Variants in HORMAD2 observed in about 807,000 individuals in gnomAD.
HORMAD2 encodes the protein HORMA domain containing 2, also known as HORMA domain-containing protein 2.
A neutral mutation model predicts 38.8 loss-of-function variants in HORMAD2; 45 were observed. That is an observed-to-expected ratio of 1.16 (90% CI 0.91 to 1.49). HORMAD2 has a LOEUF of 1.49. Among genes scored for constraint, HORMAD2 ranks in the 40% most tolerant of loss-of-function variants. The pLI is 0.00. For missense variants in HORMAD2, 338 were observed against 367.0 expected, an observed-to-expected ratio of 0.92 and a Z score of 0.65; for synonymous variants, 126 against 122.8, an observed-to-expected ratio of 1.03 and a Z score of -0.17.
the HORMAD2 span, among the ~76,000 whole-genome samples, chr22:30,205,276 G>A: frequency 6.6e-6 from 1 of 152,078 alleles, no homozygotes; most frequent in East Asian, 1.9e-4. Flanking sequence ...GGCACCGGGT[G>A]AGAATTTGAA....
intron 1 of HORMAD2, among the ~76,000 whole-genome samples, chr22:30,082,564 C>T (rs555617137): frequency 1.7e-4 from 26 of 151,954 alleles, no homozygotes; most frequent in Middle Eastern, 3.4e-3. Flanking sequence ...GCCAAGAGTT[C>T]GAGGCCAGTC....
At chr22:30,152,133 A>G (rs1381757444) in intron 10 of HORMAD2, among the ~76,000 whole-genome samples, 1 of 152,006 alleles carries the variant, frequency 6.6e-6, no homozygotes, top group East Asian at 1.9e-4. Context: ...TTCAAAATAA[A>G]CAATGACTTC....
At chr22:30,189,554 T>A in the HORMAD2 span, among the ~76,000 whole-genome samples, 1 of 152,122 alleles carries the variant, frequency 6.6e-6, no homozygotes, top group African/African-American at 2.4e-5. Flanking sequence ...ACATAGCCTG[T>A]GTTGGCTGCC....
intron 7 of HORMAD2, among the ~76,000 whole-genome samples, chr22:30,117,891 G>A (rs1922164797): frequency 6.6e-6 from 1 of 152,184 alleles, no homozygotes; most frequent in Admixed American, 6.5e-5. Context: ...TTTCTTAACA[G>A]TGAGGAGAGC....
At chr22:30,187,131 T>C in the HORMAD2 span, among the ~76,000 whole-genome samples, 2 of 152,232 alleles carry the variant, frequency 1.3e-5, no homozygotes, top group Non-Finnish European at 2.9e-5. Context: ...AAATTAACCA[T>C]ACTTTGACTA....
chr22:30,114,076 T>C (rs76723896), intron 7 of HORMAD2, among the ~76,000 whole-genome samples: 1,554 of 152,166 alleles, frequency 0.01, 28 homozygotes, highest in African/African-American at 0.035. Context: ...TTTTTGGGGG[T>C]AGTGAAATGC....
At chr22:30,206,992 G>T in the HORMAD2 span, 1 of 456,196 alleles carries the variant, frequency 2.2e-6, no homozygotes, top group Non-Finnish European at 4.6e-6. Flanking sequence ...TAGGGACTTC[G>T]GCAGAGACAG....
chr22:30,188,298 T>A, the HORMAD2 span, among the ~76,000 whole-genome samples: 1 of 152,118 alleles, frequency 6.6e-6, no homozygotes, highest in Non-Finnish European at 1.5e-5. Flanking sequence ...AGACTCTCTC[T>A]TTTTCCTCCT....
the HORMAD2 span, among the ~76,000 whole-genome samples, chr22:30,189,119 T>G: frequency 2.6e-5 from 4 of 151,708 alleles, no homozygotes; most frequent in Non-Finnish European, 5.9e-5. Flanking sequence ...AAAAAAAAAG[T>G]TTTTTTCATT....
At chr22:30,134,455 T>TTA (rs1448158183) in intron 10 of HORMAD2, among the ~76,000 whole-genome samples, 5 of 147,206 alleles carry the variant, frequency 3.4e-5, no homozygotes, top group African/African-American at 1.2e-4. Context: ...AATAAATATA[T>TTA]TATATATATG....
At chr22:30,136,497 A>C (rs1003708600) in intron 10 of HORMAD2, among the ~76,000 whole-genome samples, 1 of 152,174 alleles carries the variant, frequency 6.6e-6, no homozygotes, top group Non-Finnish European at 1.5e-5. Context: ...AATAATCATT[A>C]ATCTATTTTC....
At chr22:30,125,936 C>T (rs1408428353) in intron 10 of HORMAD2, among the ~76,000 whole-genome samples, 2 of 152,130 alleles carry the variant, frequency 1.3e-5, no homozygotes, top group African/African-American at 4.8e-5. Context: ...TAAGGACCTC[C>T]TTACATTTTG....
At chr22:30,175,553 A>G (rs1926404336) in intron 10 of HORMAD2, among the ~76,000 whole-genome samples, 1 of 151,882 alleles carries the variant, frequency 6.6e-6, no homozygotes, top group Non-Finnish European at 1.5e-5. Context: ...CAAAATATAT[A>G]TCTATAATGA....
chr22:30,129,578 G>A (rs1923135644), intron 10 of HORMAD2, among the ~76,000 whole-genome samples: 1 of 152,066 alleles, frequency 6.6e-6, no homozygotes, highest in East Asian at 1.9e-4. Context: ...ATTTGTAACA[G>A]GGACAGAATT....
chr22:30,168,175 A>T (rs73402640), intron 10 of HORMAD2, among the ~76,000 whole-genome samples: 6,907 of 152,216 alleles, frequency 0.045, 520 homozygotes, highest in African/African-American at 0.16. Context: ...TACTTTTACC[A>T]CTTAAGTGTT....
intron 5 of HORMAD2, among the ~76,000 whole-genome samples, chr22:30,104,931 G>C (rs1921072007): frequency 6.6e-6 from 1 of 152,170 alleles, no homozygotes; most frequent in Non-Finnish European, 1.5e-5. Context: ...AATTTTAAGT[G>C]CATCTGATCT....
chr22:30,114,757 T>C (rs1033031813), intron 7 of HORMAD2, among the ~76,000 whole-genome samples: 3 of 152,358 alleles, frequency 2.0e-5, no homozygotes, highest in Non-Finnish European at 4.4e-5. Flanking sequence ...AACAAGTGTG[T>C]GTCCCTAGTT....
the HORMAD2 span, among the ~76,000 whole-genome samples, chr22:30,199,886 G>T: frequency 6.6e-6 from 1 of 151,802 alleles, no homozygotes; most frequent in East Asian, 2.0e-4. Context: ...GAGGTGGGTG[G>T]ATCACTCGAG....
rs537530973 is a variant in HORMAD2, at chr22:30,112,625, G to A, written c.342+103G>A. Reference sequence around the variant, plus strand: ...AGATTTTGTTACTAGACTACCATATGAGCAGAGGAACTAATAGTGGGCTCT... The same window carrying A: ...AGATTTTGTTACTAGACTACCATATAAGCAGAGGAACTAATAGTGGGCTCT... On this transcript the variant is annotated intron_variant, in intron 7 of 10. Transcript: ENST00000336726. 2.1e-5 allele frequency: 10 copies of A among 479,084 alleles called. No individual in the cohort carries two copies. The South Asian group carries it at 3.6e-4, about 17-fold the overall frequency. The allele number at this position is 479,084 out of a possible 1,614,324, so 29.7% of individuals were successfully genotyped here. A position where few individuals can be genotyped will look rare whatever the true frequency, so the allele number is the denominator to read the frequency against.
Sources: gnomAD v4.1 joint callset for allele counts (sites outside exome capture counted in the v4.1 genomes callset) on GRCh38, gnomAD v4.1.1 for gene constraint, MANE v1.5 for transcripts, NCBI Gene and HGNC (gene_info 2026-07-23, HGNC 2026-07-21) for gene names.